Variants in FANCI observed in about 807,000 individuals in gnomAD.
The protein encoded by FANCI is FA complementation group I, also known as Fanconi anemia group I protein.
In FANCI, 156 loss-of-function variants were observed where a neutral mutation model predicts 176.1. That is an observed-to-expected ratio of 0.89 (90% confidence interval 0.78 to 1.01). The LOEUF is 1.01. Ranked by LOEUF, FANCI falls within the 50% of genes least tolerant of loss-of-function variation. The pLI, the probability that FANCI is intolerant of heterozygous loss-of-function variation, is 0.00. For missense variants in FANCI, 1,678 were observed against 1,534.1 expected, an observed-to-expected ratio of 1.09 and a Z score of -1.57; for synonymous variants, 613 against 541.7, an observed-to-expected ratio of 1.13 and a Z score of -1.83.
intron 2 of FANCI, among the ~76,000 whole-genome samples, chr15:89,251,750 A>G (rs763538425): frequency 2.0e-5 from 3 of 152,200 alleles, no homozygotes; most frequent in Non-Finnish European, 4.4e-5. Context: ...TTCATGGATC[A>G]GAGAAAGCCT....
At chr15:89,315,428 C>A in intron 37 of FANCI, 39 bp downstream of exon 37, 1 of 1,405,658 alleles carries the variant, frequency 7.1e-7, no homozygotes, top group Non-Finnish European at 1.0e-6. Context: ...GCCACTCTTC[C>A]TAGCTGGTTA....
intron 25 of FANCI, 23 bp from the exon 26 acceptor site, chr15:89,300,277 A>G: frequency 6.2e-7 from 1 of 1,604,496 alleles, no homozygotes; most frequent in Non-Finnish European, 8.5e-7. Flanking sequence ...CAAAGAAGAC[A>G]AGAGTTTCTT....
At chr15:89,279,378 G>C (rs555408412) in intron 14 of FANCI, among the ~76,000 whole-genome samples, 2 of 152,218 alleles carry the variant, frequency 1.3e-5, no homozygotes, top group Admixed American at 6.5e-5. Flanking sequence ...GGCTGGTCTC[G>C]AACTCCTGAC....
chr15:89,264,314 T>C (rs1279555618), intron 8 of FANCI, among the ~76,000 whole-genome samples: 1 of 152,224 alleles, frequency 6.6e-6, no homozygotes, highest in Non-Finnish European at 1.5e-5. Flanking sequence ...AAGGGTAGAC[T>C]ATAGGCCCCA....
Position 89,263,214 on chromosome 15 carries a change from T to C in FANCI, c.504-205T>C, listed in dbSNP as rs951141096. ...TTTGTTTTCCACAATCTCACCAACA[T>C]TGGGTATCATCAGAATTTTGATTTT... is the stretch of plus-strand genomic sequence containing the variant. On this transcript the variant is annotated intron_variant, in intron 6 of 37. Transcript: ENST00000310775. Among the ~76,000 whole-genome samples, 5 of 152,234 alleles carry C rather than the reference T, an allele frequency of 3.3e-5. No individual in the cohort carries two copies. The South Asian group carries it at 1.0e-3, about 32-fold the overall frequency.
At chr15:89,275,916 C>T (rs1319003905) in intron 12 of FANCI, among the ~76,000 whole-genome samples, 1 of 152,242 alleles carries the variant, frequency 6.6e-6, no homozygotes, top group Non-Finnish European at 1.5e-5. Context: ...GTTACACATG[C>T]TTGCCCCAGT....
intron 12 of FANCI, 100 bp downstream of exon 12, chr15:89,274,404 C>G (rs1292992338): frequency 7.5e-7 from 1 of 1,339,946 alleles, no homozygotes; most frequent in Non-Finnish European, 1.1e-6. Flanking sequence ...AAACTGATGA[C>G]TTAACAGCTG....
At chr15:89,261,146 C>T (rs2052696212) in intron 4 of FANCI, among the ~76,000 whole-genome samples, 1 of 152,058 alleles carries the variant, frequency 6.6e-6, no homozygotes. Context: ...TGGCGCATGT[C>T]AGTGGTCACA....
At chr15:89,284,389 A>G (rs1466455971) in intron 17 of FANCI, among the ~76,000 whole-genome samples, 1 of 152,224 alleles carries the variant, frequency 6.6e-6, no homozygotes, top group Non-Finnish European at 1.5e-5. Context: ...GCTTTGGTAT[A>G]ACTACATAAA....
intron 28 of FANCI, among the ~76,000 whole-genome samples, chr15:89,304,493 A>G (rs1308606068): frequency 6.6e-6 from 1 of 152,236 alleles, no homozygotes; most frequent in Admixed American, 6.5e-5. Context: ...TCAGGATAGC[A>G]GTTTCCTTGG....
chr15:89,287,786 T>G (rs1395034276), intron 18 of FANCI, among the ~76,000 whole-genome samples: 1 of 151,910 alleles, frequency 6.6e-6, no homozygotes, highest in Non-Finnish European at 1.5e-5. Context: ...TGAGGAGAGG[T>G]GGAGAGATGG....
chr15:89,298,026 T>C (rs1596313940), intron 24 of FANCI, among the ~76,000 whole-genome samples: 1 of 151,544 alleles, frequency 6.6e-6, no homozygotes. Flanking sequence ...GAAGGAAAAA[T>C]AGACAAATCC....
chr15:89,296,190 C>G (rs939180390), intron 24 of FANCI, among the ~76,000 whole-genome samples: 12 of 151,906 alleles, frequency 7.9e-5, no homozygotes, highest in African/African-American at 2.4e-4. Flanking sequence ...GTCTCGAACT[C>G]CTGACCTCAG....
At chr15:89,276,931 A>T in intron 13 of FANCI, 40 bp downstream of exon 13, 1 of 1,608,076 alleles carries the variant, frequency 6.2e-7, no homozygotes, top group Non-Finnish European at 8.5e-7. Context: ...AATTTTGTTT[A>T]AATAATCCAA....
chr15:89,255,265 A>G (rs75056558), intron 2 of FANCI, among the ~76,000 whole-genome samples: 1 of 152,330 alleles, frequency 6.6e-6, no homozygotes, highest in East Asian at 1.9e-4. Flanking sequence ...CATAAGGACC[A>G]CAGAAATGGT....
intron 10 of FANCI, among the ~76,000 whole-genome samples, chr15:89,269,506 C>A (rs1428952114): frequency 6.6e-6 from 1 of 152,084 alleles, no homozygotes; most frequent in Non-Finnish European, 1.5e-5. Flanking sequence ...CATCAGCCCA[C>A]TTGTCTTGTG....
intron 27 of FANCI, among the ~76,000 whole-genome samples, chr15:89,303,480 T>C (rs1360503572): frequency 6.6e-6 from 1 of 152,174 alleles, no homozygotes; most frequent in Non-Finnish European, 1.5e-5. Context: ...ACTGTTCTTA[T>C]AGCTAGGTTT....
intron 18 of FANCI, among the ~76,000 whole-genome samples, chr15:89,287,277 G>T (rs2053856841): frequency 1.3e-5 from 2 of 152,102 alleles, no homozygotes; most frequent in South Asian, 2.1e-4. Context: ...CCAGCCCCTT[G>T]CACTTTTATG....
chr15:89,254,683 CT>C (rs2052417778), intron 2 of FANCI, among the ~76,000 whole-genome samples: 1 of 152,154 alleles, frequency 6.6e-6, no homozygotes, highest in Non-Finnish European at 1.5e-5. Flanking sequence ...TCAGCACACG[CT>C]TGTATTCCTA....
Sources: allele counts gnomAD v4.1 joint callset (sites outside exome capture counted in the v4.1 genomes callset), GRCh38; gene constraint gnomAD v4.1.1; transcripts MANE v1.5; gene names NCBI Gene and HGNC (gene_info 2026-07-23, HGNC 2026-07-21).